Variants in IFT74 observed in about 807,000 individuals in gnomAD.
IFT74 encodes intraflagellar transport protein 74 homolog.
Under a neutral mutation model 96.7 loss-of-function variants are expected in IFT74, and 92 were observed. That is an observed-to-expected ratio of 0.95 (90% confidence interval 0.80 to 1.13). The LOEUF (loss-of-function observed/expected upper bound fraction) is 1.13. Among genes scored for constraint, IFT74 ranks in the 50% most tolerant of loss-of-function variants. IFT74 has a pLI of 0.00. For missense variants in IFT74, 811 were observed against 698.2 expected, an observed-to-expected ratio of 1.16 and a Z score of -1.82; for synonymous variants, 223 against 213.2, an observed-to-expected ratio of 1.05 and a Z score of -0.40.
chr9:27,008,969 A>G (rs532826211), intron 8 of IFT74, 51 bp from the exon 9 acceptor site: 3 of 1,409,406 alleles, frequency 2.1e-6, no homozygotes, highest in Non-Finnish European at 2.9e-6. Flanking sequence ...AAATAATTGG[A>G]TATTTTTTCC....
intron 8 of IFT74, chr9:26,999,736 A>ATTTTTATT (rs1563962496): frequency 7.9e-7 from 1 of 1,260,764 alleles, no homozygotes; most frequent in East Asian, 2.6e-5. Context: ...CATTAAGGAC[A>ATTTTTATT]TTTTTATTTT....
At chr9:26,975,016 G>T (rs1827048268) in intron 2 of IFT74, among the ~76,000 whole-genome samples, 1 of 152,156 alleles carries the variant, frequency 6.6e-6, no homozygotes, top group African/African-American at 2.4e-5. Context: ...TCCTTTCAGG[G>T]AGGGGTACTT....
chr9:26,983,446 G>A (rs1827476474), intron 4 of IFT74, among the ~76,000 whole-genome samples: 1 of 152,140 alleles, frequency 6.6e-6, no homozygotes, highest in South Asian at 2.1e-4. Context: ...TTCTATACAT[G>A]TTTCTGGTTG....
At chr9:27,044,445 C>T (rs1177398910) in intron 13 of IFT74, among the ~76,000 whole-genome samples, 2 of 152,122 alleles carry the variant, frequency 1.3e-5, no homozygotes, top group African/African-American at 4.8e-5. Context: ...AATGGACTTT[C>T]TTGGGAACTT....
upstream of IFT74, among the ~76,000 whole-genome samples, chr9:26,953,103 T>TC (rs1361235376): frequency 6.6e-6 from 1 of 152,188 alleles, no homozygotes; most frequent in Admixed American, 6.5e-5. Flanking sequence ...GTGGTGTTCT[T>TC]CCGGGCCATA....
intron 8 of IFT74, among the ~76,000 whole-genome samples, chr9:27,003,228 G>T (rs758147502): frequency 6.6e-6 from 1 of 151,618 alleles, no homozygotes; most frequent in Non-Finnish European, 1.5e-5. Flanking sequence ...TTTTTTAAGT[G>T]TAAGATCATG....
intron 2 of IFT74, among the ~76,000 whole-genome samples, chr9:26,966,284 C>G (rs765711043): frequency 6.6e-6 from 1 of 151,936 alleles, no homozygotes; most frequent in African/African-American, 2.4e-5. Flanking sequence ...AACTTACATT[C>G]CCCCCAACAC....
intron 8 of IFT74, among the ~76,000 whole-genome samples, chr9:26,992,692 CAA>C (rs759740948): frequency 2.2e-5 from 3 of 133,422 alleles, no homozygotes; most frequent in Admixed American, 7.7e-5. Context: ...GACTTTGTCT[CAA>C]AAAAAAAAAA....
At position 27,018,575 on chromosome 9, in the gene IFT74, G is replaced by A. The variant is rs1829460180; in HGVS notation, c.934-72G>A. The A allele has an allele frequency of 5.2e-6, 4 of 771,884 alleles. No individual in the cohort carries two copies. In the East Asian group the frequency reaches 1.1e-4, roughly 21 times the overall value. 47.8% of individuals were successfully genotyped at this position (771,884 alleles called of 1,614,324 possible). On this transcript the variant is annotated intron_variant, in intron 11 of 19. Transcript: ENST00000380062. ...ACTTTAGTACAATTGTACTCTAGAA[G>A]GAAATTATCTTTAAGATAGCCTTAC...
chr9:27,054,690 A>G (rs2131700878), intron 16 of IFT74, among the ~76,000 whole-genome samples: 1 of 152,268 alleles, frequency 6.6e-6, no homozygotes, highest in East Asian at 1.9e-4. Context: ...GCATGTGCAG[A>G]CTCGTGAAAA....
chr9:27,004,736 G>A (rs1000962216), intron 8 of IFT74, among the ~76,000 whole-genome samples: 2 of 151,996 alleles, frequency 1.3e-5, no homozygotes, highest in Non-Finnish European at 2.9e-5. Context: ...GTTTCATATA[G>A]TGATTACTTA....
intron 13 of IFT74, chr9:27,036,664 G>A: frequency 7.4e-7 from 1 of 1,355,992 alleles, no homozygotes; most frequent in Non-Finnish European, 9.5e-7. Flanking sequence ...GGCTACTTGT[G>A]TTCACTCTTT....
In IFT74 at chr9:26,950,999, ACTGT is replaced by A. The variant is rs565677303; in HGVS notation, c.-20+3861_-20+3864del. Among the ~76,000 whole-genome samples the A allele has an allele frequency of 3.8e-3, 578 of 152,334 alleles. 7 individuals carry two copies. The highest frequency in any genetic ancestry group is 0.014 in the African/African-American group (564 of 41,576). ...GGTTTAAAACAAATCATTTATGTCA[ACTGT>A]CTGTCTGCATACAAATAACAATTCT... On this transcript the variant is annotated intron_variant, in intron 1 of 19. Transcript: ENST00000433700.
At chr9:26,997,790 C>T (rs367715921) in intron 8 of IFT74, 2 of 1,613,788 alleles carry the variant, frequency 1.2e-6, no homozygotes, top group African/African-American at 1.3e-5. Context: ...AGAGCAGTTC[C>T]ATAGGTTTCC....
chr9:27,028,790 C>A, intron 12 of IFT74: 1 of 285,734 alleles, frequency 3.5e-6, no homozygotes, highest in Non-Finnish European at 6.4e-6. Flanking sequence ...CAAGATTCTT[C>A]CTCTCTAAAT....
intron 8 of IFT74, 101 bp downstream of exon 8, chr9:26,990,296 C>T (rs1415538211): frequency 3.7e-6 from 2 of 538,194 alleles, no homozygotes; most frequent in East Asian, 6.5e-5. Context: ...TAACAATTTC[C>T]CCATTGCCTT....
rs1292021424 is a variant in IFT74 at position 26,978,176 on chromosome 9, A to G, written c.169A>G (p.Thr57Ala). Reference sequence around the variant, plus strand: ...AGGTTCTCGTGGTTGTCCCATAGGGACTGGTGGAGTTCTGTCTTCTCAAAT... The same window carrying G: ...AGGTTCTCGTGGTTGTCCCATAGGGGCTGGTGGAGTTCTGTCTTCTCAAAT... The part of the protein sequence containing the change: ...RPGSRGCPIG[T>A]GGVLSSQIKV... The change falls in exon 3 of 20, where the codon ACT becomes GCT. Residue 57 changes from threonine to alanine, a missense_variant. By Grantham distance (58) the Thr-to-Ala change is moderately conservative. Coordinates refer to ENST00000380062, the MANE Select transcript of IFT74 (RefSeq NM_025103.4). The G allele has an allele frequency of 1.2e-6, 2 of 1,612,994 alleles. No homozygotes were observed. Among genetic ancestry groups the G allele is most frequent in the Non-Finnish European group, 1.7e-6 (2 of 1,179,736 alleles).
chr9:26,956,504 C>A lies in IFT74; in HGVS notation c.-32C>A, dbSNP rs1451684901. On this transcript the variant is annotated 5_prime_UTR_variant, in exon 1 of 20. Coordinates refer to ENST00000380062, the MANE Select transcript of IFT74 (RefSeq NM_025103.4). Reference sequence around the variant, plus strand: ...GCGAGCCGGGCAACTGCCCTCCTTCCGCGCCGGCGGAGGTGAGAATCCCCG... The same window carrying A: ...GCGAGCCGGGCAACTGCCCTCCTTCAGCGCCGGCGGAGGTGAGAATCCCCG... The A allele has an allele frequency of 6.6e-6, 1 of 152,382 alleles. No individual in the cohort carries two copies. Among genetic ancestry groups the A allele is most frequent in the Non-Finnish European group, 1.5e-5 (1 of 68,150 alleles). 9.4% of individuals were successfully genotyped at this position (152,382 alleles called of 1,614,324 possible). A position where few individuals can be genotyped will look rare whatever the true frequency, so the allele number is the denominator to read the frequency against.
chr9:27,016,595 T>C (rs1269754061), intron 10 of IFT74, among the ~76,000 whole-genome samples: 1 of 152,234 alleles, frequency 6.6e-6, no homozygotes, highest in Non-Finnish European at 1.5e-5. Flanking sequence ...GTTGTACATA[T>C]GTTTTGACAT....
Sources: allele counts gnomAD v4.1 joint callset (sites outside exome capture counted in the v4.1 genomes callset), GRCh38; gene constraint gnomAD v4.1.1; transcripts MANE v1.5; gene names NCBI Gene and HGNC (gene_info 2026-07-23, HGNC 2026-07-21).